Variants in SLAMF9 observed in about 807,000 individuals in gnomAD.
SLAMF9 encodes SLAM family member 9, also known as CD2 family member 10.
A neutral mutation model predicts 30.4 loss-of-function variants in SLAMF9; 25 were observed. That is an observed-to-expected ratio of 0.82 (90% CI 0.60 to 1.15). The LOEUF (loss-of-function observed/expected upper bound fraction) is 1.15. Among genes scored for constraint, SLAMF9 ranks in the 50% most tolerant of loss-of-function variants. SLAMF9 has a pLI of 0.00. For missense variants in SLAMF9, 344 were observed against 346.1 expected, an observed-to-expected ratio of 0.99 and a Z score of 0.05; for synonymous variants, 129 against 127.2, an observed-to-expected ratio of 1.01 and a Z score of -0.09.
At chr1:159,977,571 G>T in the SLAMF9 span, among the ~76,000 whole-genome samples, 1 of 152,214 alleles carries the variant, frequency 6.6e-6, no homozygotes, top group African/African-American at 2.4e-5. Context: ...GGTAGGGCTA[G>T]GACTTCACTC....
At chr1:159,976,506 G>T in the SLAMF9 span, 1 of 152,290 alleles carries the variant, frequency 6.6e-6, no homozygotes, top group African/African-American at 2.4e-5. Flanking sequence ...ATGGGCTAGG[G>T]TGAGGGAGAA....
chr1:159,953,590 G>A lies in SLAMF9; in HGVS notation c.110C>T (p.Ser37Phe). 6.2e-7 allele frequency: 1 copy of A among 1,614,016 alleles called. No homozygotes were observed. Among genetic ancestry groups the A allele is most frequent in the Middle Eastern group, 1.7e-4 (1 of 6,048 alleles). Residue 37 changes from serine (S) to phenylalanine (F), a missense_variant, in exon 2 of 4, where the codon TCC (serine) becomes TTC (phenylalanine). Transcript: ENST00000368093. Reference protein sequence around the residue: ...SEEVVAVLQESISLPLEIPPD... With the variant: ...SEEVVAVLQEFISLPLEIPPD... Reference sequence around the variant, plus strand: ...TGGTATTTCCAGGGGGAGGCTGATGGACTCCTGAAGGACCGCAACCACTTC... The same window carrying A: ...TGGTATTTCCAGGGGGAGGCTGATGAACTCCTGAAGGACCGCAACCACTTC...
chr1:159,954,121 CA>C lies in SLAMF9; in HGVS notation c.16del (p.Trp6GlyfsTer72). On this transcript the variant is annotated frameshift_variant, in exon 1 of 4. Transcript: ENST00000368093. LOFTEE classifies it high-confidence loss of function. The part of the protein sequence containing the change: MCAFP[W>X]LLLLLLLQEG... Reference sequence around the variant, plus strand: ...CTGGAGCAGCAGGAGAAGAAGCAGCCAAGGAAAGGCACACATGTCAGCAGCC... The same window carrying C: ...CTGGAGCAGCAGGAGAAGAAGCAGCCAGGAAAGGCACACATGTCAGCAGCC... 6.2e-7 allele frequency: 1 copy of C among 1,614,020 alleles called. No individual in the cohort carries two copies. Among genetic ancestry groups the C allele is most frequent in the South Asian group, 1.1e-5 (1 of 91,074 alleles).
chr1:159,976,356 A>G, the SLAMF9 span, among the ~76,000 whole-genome samples: 1 of 152,216 alleles, frequency 6.6e-6, no homozygotes, highest in South Asian at 2.1e-4. Flanking sequence ...AAAACACTAA[A>G]AGCAACATGT....
At chr1:159,952,229 T>C (rs763004942) in intron 3 of SLAMF9, 33 bp downstream of exon 3, 20 of 1,607,242 alleles carry the variant, frequency 1.2e-5, no homozygotes, top group Non-Finnish European at 1.7e-5. Flanking sequence ...CTATCTTTCA[T>C]GAGCTCAGGG....
At position 159,951,896 on chromosome 1, in the gene SLAMF9, A is replaced by T. The variant is rs371899046; in HGVS notation, c.665-30T>A. The T allele has an allele frequency of 1.4e-5, 22 of 1,602,352 alleles. No homozygotes were observed. The African/African-American group carries it at 2.5e-4, about 19-fold the overall frequency. ...GGTGGAAGAAAGGAGGAAAGGGCCC[A>T]TCAGTGGTAGGGTTGGGGTTAAGAT... On this transcript the variant is annotated intron_variant, in intron 3 of 3. Coordinates refer to ENST00000368093, the MANE Select transcript of SLAMF9 (RefSeq NM_033438.4).
chr1:159,975,368 G>T, the SLAMF9 span, among the ~76,000 whole-genome samples: 1 of 152,290 alleles, frequency 6.6e-6, no homozygotes, highest in Non-Finnish European at 1.5e-5. Flanking sequence ...TGCAAGATAA[G>T]TATTCAGTAT....
upstream of SLAMF9, among the ~76,000 whole-genome samples, chr1:159,955,096 A>AG (rs1491247546): frequency 1.3e-5 from 2 of 151,410 alleles, no homozygotes; most frequent in Admixed American, 1.3e-4. Context: ...AAAAAAAAAA[A>AG]GAGAGAAGAA....
the SLAMF9 span, chr1:159,976,954 AAG>A: frequency 3.6e-4 from 4 of 11,040 alleles, no homozygotes; most frequent in Non-Finnish European, 1.1e-3. Flanking sequence ...GAAAGAAAGA[AAG>A]AAAGAGAAAG....
At chr1:159,968,118 A>G in the SLAMF9 span, among the ~76,000 whole-genome samples, 1 of 152,226 alleles carries the variant, frequency 6.6e-6, no homozygotes, top group Non-Finnish European at 1.5e-5. Context: ...TGCTCTGGCT[A>G]GGACTTCAAG....
upstream of SLAMF9, among the ~76,000 whole-genome samples, chr1:159,954,586 A>G (rs1212974898): frequency 2.0e-5 from 3 of 152,144 alleles, no homozygotes; most frequent in African/African-American, 7.2e-5. Context: ...TCTTATAAAC[A>G]TCTATATCTC....
the SLAMF9 span, among the ~76,000 whole-genome samples, chr1:159,964,261 G>A: frequency 6.6e-6 from 1 of 152,226 alleles, no homozygotes; most frequent in South Asian, 2.1e-4. Flanking sequence ...TCCCCAGCCA[G>A]TGATATCTTT....
chr1:159,953,222 C>T (rs1651821838), intron 2 of SLAMF9, 87 bp downstream of exon 2: 2 of 1,129,404 alleles, frequency 1.8e-6, no homozygotes, highest in Admixed American at 2.1e-5. Flanking sequence ...CAAACCATAA[C>T]CCCAAGTCCT....
At chr1:159,965,842 A>G in the SLAMF9 span, among the ~76,000 whole-genome samples, 1 of 152,218 alleles carries the variant, frequency 6.6e-6, no homozygotes, top group Non-Finnish European at 1.5e-5. Context: ...TAATTAACAA[A>G]TCATAATTAT....
chr1:159,964,298 C>G, the SLAMF9 span, among the ~76,000 whole-genome samples: 1 of 152,054 alleles, frequency 6.6e-6, no homozygotes, highest in Non-Finnish European at 1.5e-5. Context: ...GGGTTTCTTT[C>G]CCCCTAAGTA....
the SLAMF9 span, among the ~76,000 whole-genome samples, chr1:159,967,496 T>C: frequency 3.3e-5 from 5 of 152,232 alleles, no homozygotes; most frequent in Non-Finnish European, 4.4e-5. Context: ...CAGTATTTGA[T>C]TACAATTTCC....
At position 159,954,181 on chromosome 1, in the gene SLAMF9, C is replaced by T. The variant is rs763746718; in HGVS notation, c.-44G>A. The T allele has an allele frequency of 6.2e-7, 1 of 1,611,758 alleles. No homozygotes were observed. The highest frequency in any genetic ancestry group is 8.5e-7 in the Non-Finnish European group (1 of 1,178,322). ...CAGAGGTGTGATTCAGTCAGTCAGT[C>T]CCCAGGACTGTGCAGAAGACTGCAT... On this transcript the variant is annotated 5_prime_UTR_variant, in exon 1 of 4. Transcript: ENST00000368093.
chr1:159,974,875 A>G, the SLAMF9 span, among the ~76,000 whole-genome samples: 3 of 152,312 alleles, frequency 2.0e-5, no homozygotes, highest in Admixed American at 2.0e-4. Flanking sequence ...ATGAGCAAGA[A>G]GAACACAGGT....
chr1:159,976,580 A>T, the SLAMF9 span: 1 of 152,144 alleles, frequency 6.6e-6, no homozygotes, highest in Non-Finnish European at 1.5e-5. Flanking sequence ...CTATATTCAC[A>T]TATATGTTTC....
Sources: allele counts gnomAD v4.1 joint callset (sites outside exome capture counted in the v4.1 genomes callset), GRCh38; gene constraint gnomAD v4.1.1; transcripts MANE v1.5; gene names NCBI Gene and HGNC (gene_info 2026-07-23, HGNC 2026-07-21).